Variants in SEL1L2 observed in about 807,000 individuals in gnomAD.
The protein encoded by SEL1L2 is SEL1L2 adaptor subunit of SYVN1 ubiquitin ligase, also known as protein sel-1 homolog 2.
Under a neutral mutation model 98.8 loss-of-function variants are expected in SEL1L2, and 89 were observed. The observed-to-expected ratio is 0.90, with a 90% CI of 0.76 to 1.07. The LOEUF (loss-of-function observed/expected upper bound fraction) is 1.07. Among genes scored for constraint, SEL1L2 ranks in the 50% least tolerant of loss-of-function variants. The pLI, the probability that SEL1L2 is intolerant of heterozygous loss-of-function variation, is 0.00. For missense variants in SEL1L2, 788 were observed against 812.0 expected, an observed-to-expected ratio of 0.97 and a Z score of 0.36; for synonymous variants, 262 against 278.5, an observed-to-expected ratio of 0.94 and a Z score of 0.59.
chr20:13,940,648 C>T (rs1276187212), intron 2 of SEL1L2, among the ~76,000 whole-genome samples: 2 of 152,084 alleles, frequency 1.3e-5, no homozygotes, highest in Non-Finnish European at 2.9e-5. Flanking sequence ...TGAGTGGGAG[C>T]AGGGGCTGGG....
chr20:13,857,084 A>G (rs554581924), intron 18 of SEL1L2, among the ~76,000 whole-genome samples: 3 of 152,228 alleles, frequency 2.0e-5, no homozygotes, highest in Non-Finnish European at 4.4e-5. Flanking sequence ...CTGGATACTC[A>G]GTTATTATTT....
chr20:13,850,132 C>G (rs1184753907), intron 19 of SEL1L2, 59 bp downstream of exon 19: 1 of 1,601,736 alleles, frequency 6.2e-7, no homozygotes, highest in Non-Finnish European at 8.5e-7. Context: ...TCACTTTGTC[C>G]CTAAGAGTTG....
intron 2 of SEL1L2, among the ~76,000 whole-genome samples, chr20:13,934,926 G>C (rs1300296235): frequency 2.0e-5 from 3 of 152,210 alleles, no homozygotes; most frequent in Middle Eastern, 3.4e-3. Context: ...TAGGTATCTG[G>C]AAGAAGAGAA....
intron 8 of SEL1L2, among the ~76,000 whole-genome samples, chr20:13,886,925 C>A (rs2046982703): frequency 6.6e-6 from 1 of 151,794 alleles, no homozygotes; most frequent in South Asian, 2.1e-4. Flanking sequence ...TTATTGGGTT[C>A]TCTAGTTCTT....
chr20:13,899,864 T>C (rs6042424), intron 5 of SEL1L2, among the ~76,000 whole-genome samples: 2,107 of 152,340 alleles, frequency 0.014, 41 homozygotes, highest in African/African-American at 0.048. Flanking sequence ...TTAATATTTC[T>C]GGTTAAAAAT....
At chr20:13,939,961 C>T (rs2049676276) in intron 2 of SEL1L2, among the ~76,000 whole-genome samples, 1 of 152,242 alleles carries the variant, frequency 6.6e-6, no homozygotes, top group Admixed American at 6.5e-5. Flanking sequence ...GCCACCGCGC[C>T]TGGCCAAAAC....
At position 13,877,563 on chromosome 20, in the gene SEL1L2, G is replaced by A. The variant is rs1331646493; in HGVS notation, c.983C>T (p.Ala328Val). ...GGCATTTGCACTCCCGGCCTTTGCT[G>A]CCTTTAAGAAGTAGTGTAATGCTTT... is the stretch of plus-strand genomic sequence containing the variant. Reference protein sequence around the residue: ...YYKALHYFLKAAKAGSANAMA... With the variant: ...YYKALHYFLKVAKAGSANAMA... Residue 328 changes from alanine to valine, a missense_variant, in exon 11 of 20, where the codon GCA becomes GTA. Coordinates refer to ENST00000284951, the MANE Select transcript of SEL1L2 (RefSeq NM_025229.2). The A allele has an allele frequency of 6.2e-7, 1 of 1,612,852 alleles. No individual in the cohort carries two copies. Among genetic ancestry groups the A allele is most frequent in the Non-Finnish European group, 8.5e-7 (1 of 1,179,222 alleles).
intron 3 of SEL1L2, among the ~76,000 whole-genome samples, chr20:13,926,582 A>T (rs2048917032): frequency 2.6e-5 from 4 of 152,088 alleles, no homozygotes; most frequent in Admixed American, 2.6e-4. Flanking sequence ...AGGAGGCATG[A>T]CCTTGGCTAT....
intron 5 of SEL1L2, among the ~76,000 whole-genome samples, chr20:13,898,654 C>T (rs765078650): frequency 6.6e-6 from 1 of 152,154 alleles, no homozygotes; most frequent in African/African-American, 2.4e-5. Context: ...CTCCTCCTGT[C>T]CATTCTTCAT....
At chr20:13,937,416 T>C (rs966980038) in intron 2 of SEL1L2, among the ~76,000 whole-genome samples, 2 of 152,216 alleles carry the variant, frequency 1.3e-5, no homozygotes, top group African/African-American at 4.8e-5. Flanking sequence ...TTACAAAGTC[T>C]AGGAGCCTGC....
chr20:13,898,880 T>C (rs1289654606), intron 5 of SEL1L2, among the ~76,000 whole-genome samples: 5 of 152,100 alleles, frequency 3.3e-5, no homozygotes, highest in Non-Finnish European at 5.9e-5. Flanking sequence ...GTATCTGGGA[T>C]TACAGGTGCC....
chr20:13,942,147 AG>A (rs1485376741), intron 2 of SEL1L2, among the ~76,000 whole-genome samples: 1 of 152,236 alleles, frequency 6.6e-6, no homozygotes, highest in Admixed American at 6.5e-5. Flanking sequence ...GTCTTTGTTT[AG>A]GTAAATGAAT....
intron 5 of SEL1L2, among the ~76,000 whole-genome samples, chr20:13,898,610 C>T (rs2047522331): frequency 6.6e-6 from 1 of 152,222 alleles, no homozygotes; most frequent in South Asian, 2.1e-4. Flanking sequence ...TCTCAATTCT[C>T]ATCAGGACAA....
chr20:13,876,177 T>A, intron 11 of SEL1L2, 62 bp from the exon 12 acceptor site: 1 of 1,224,464 alleles, frequency 8.2e-7, no homozygotes, highest in Admixed American at 1.7e-5. Context: ...ATGCAAATAT[T>A]TTAAAATGAA....
chr20:13,887,934 T>C lies in SEL1L2; in HGVS notation c.663+8A>G, dbSNP rs574962667. 3 of 1,613,670 alleles carry C rather than the reference T, an allele frequency of 1.9e-6. No homozygotes were observed. Among genetic ancestry groups the C allele is most frequent in the African/African-American group, 2.7e-5 (2 of 75,032 alleles). ...AAATTTGGTTCCAAGAATATTTTGTTTACAAACCAAAATCATCTGGGACAT... is the reference window on the plus strand; with the variant it reads ...AAATTTGGTTCCAAGAATATTTTGTCTACAAACCAAAATCATCTGGGACAT... On this transcript the variant is annotated splice_region_variant and intron_variant, in intron 7 of 19. Coordinates refer to ENST00000284951, the MANE Select transcript of SEL1L2 (RefSeq NM_025229.2).
At chr20:13,895,132 A>C (rs1192741076) in intron 5 of SEL1L2, among the ~76,000 whole-genome samples, 1 of 152,188 alleles carries the variant, frequency 6.6e-6, no homozygotes, top group Non-Finnish European at 1.5e-5. Flanking sequence ...CCTGAAATAC[A>C]AGAATGTTTC....
At chr20:13,915,413 C>G (rs1600729456) in intron 4 of SEL1L2, among the ~76,000 whole-genome samples, 1 of 152,268 alleles carries the variant, frequency 6.6e-6, no homozygotes, top group Non-Finnish European at 1.5e-5. Context: ...ATGTCTGGCA[C>G]CCAGAGAGAG....
chr20:13,939,040 G>GGTTTTTTTTTTTTTTTTTTTTTTT lies in SEL1L2; in HGVS notation c.115-7270_115-7269insAAAAAAAAAAAAAAAAAAAAAAAC. Among the ~76,000 whole-genome samples the GGTTTTTTTTTTTTTTTTTTTTTTT allele has an allele frequency of 1.8e-3, 210 of 114,072 alleles. 42 individuals are homozygous for GGTTTTTTTTTTTTTTTTTTTTTTT. Among genetic ancestry groups the GGTTTTTTTTTTTTTTTTTTTTTTT allele is most frequent in the African/African-American group, 3.5e-3 (101 of 28,884 alleles). The allele number at this position is 114,072 out of a possible 152,430, so 74.8% of individuals were successfully genotyped here. A position where few individuals can be genotyped will look rare whatever the true frequency, so the allele number is the denominator to read the frequency against. On this transcript the variant is annotated intron_variant, in intron 2 of 19. Coordinates refer to ENST00000284951, the MANE Select transcript of SEL1L2 (RefSeq NM_025229.2). ...TCTTTTTGGTTTGTTTGCTTGTTTT[G>GGTTTTTTTTTTTTTTTTTTTTTTT]TTTTTTTTTTTTTTTTTTTCTGAGA...
intron 12 of SEL1L2, among the ~76,000 whole-genome samples, chr20:13,870,922 C>CAAAA (rs534578783): frequency 4.0e-4 from 21 of 53,114 alleles, no homozygotes; most frequent in Admixed American, 8.5e-4. Context: ...AACTCCATCT[C>CAAAA]AAAAAAAAAA....
Sources: gnomAD v4.1 joint callset for allele counts (sites outside exome capture counted in the v4.1 genomes callset) on GRCh38, gnomAD v4.1.1 for gene constraint, MANE v1.5 for transcripts, NCBI Gene and HGNC (gene_info 2026-07-23, HGNC 2026-07-21) for gene names.